The following LRRC37A variants were observed in gnomAD, a reference collection of about 807,000 sequenced individuals.
LRRC37A encodes the protein leucine-rich repeat-containing protein 37A.
LRRC37A carries 3 observed loss-of-function variants against 35.4 expected under a neutral mutation model. The observed-to-expected ratio is 0.08, with a 90% CI of 0.04 to 0.22. LRRC37A has a LOEUF of 0.22. LRRC37A is among the 10% of genes least tolerant of loss of function. LRRC37A has a pLI of 1.00. For missense variants in LRRC37A, 67 were observed against 565.3 expected, an observed-to-expected ratio of 0.12 and a Z score of 8.94; for synonymous variants, 23 against 215.0, an observed-to-expected ratio of 0.11 and a Z score of 7.81.
the LRRC37A span, among the ~76,000 whole-genome samples, chr17:46,249,667 C>T: frequency 6.6e-6 from 1 of 152,126 alleles, no homozygotes; most frequent in Non-Finnish European, 1.5e-5. Flanking sequence ...CCCACTAAAC[C>T]ACTAAAGAGA....
the LRRC37A span, among the ~76,000 whole-genome samples, chr17:46,250,590 A>G: frequency 1.2e-3 from 190 of 152,310 alleles, 1 homozygote; most frequent in African/African-American, 4.4e-3. Context: ...ACCCTCCAAC[A>G]TCGGACTCCA....
chr17:46,288,305 C>CTT (rs78255121), upstream of LRRC37A, among the ~76,000 whole-genome samples: 229 of 112,216 alleles, frequency 2.0e-3, 2 homozygotes, highest in African/African-American at 2.9e-3. Context: ...CCAGGCCCGG[C>CTT]TTTTTTTTTT....
the LRRC37A span, among the ~76,000 whole-genome samples, chr17:46,267,748 C>T: frequency 0.12 from 18,479 of 152,086 alleles, 1 homozygote; most frequent in Non-Finnish European, 0.18. Flanking sequence ...ACAAAGCGGG[C>T]TGTCAATAAA....
chr17:46,277,771 C>CA, the LRRC37A span, among the ~76,000 whole-genome samples: 16,329 of 148,384 alleles, frequency 0.11, no homozygotes, highest in Non-Finnish European at 0.17. Flanking sequence ...CTCAGCCTCC[C>CA]GAGTAGCTGG....
At chr17:46,291,477 C>T (rs1339479748), upstream of LRRC37A, among the ~76,000 whole-genome samples, 2 of 151,308 alleles carry the variant, frequency 1.3e-5, no homozygotes. Flanking sequence ...GGCTAACATG[C>T]TGTGTGTGAG....
chr17:46,259,835 G>C, the LRRC37A span: 2 of 1,559,914 alleles, frequency 1.3e-6, no homozygotes, highest in Non-Finnish European at 1.7e-6. Flanking sequence ...AGCAACTGCA[G>C]GGTAGCCCGA....
chr17:46,255,568 G>A, the LRRC37A span, among the ~76,000 whole-genome samples: 1 of 151,514 alleles, frequency 6.6e-6, no homozygotes, highest in East Asian at 2.0e-4. Flanking sequence ...GTTTCTCCAT[G>A]TTGGTCAGGC....
the LRRC37A span, among the ~76,000 whole-genome samples, chr17:46,272,929 TACC>T: frequency 6.6e-6 from 1 of 152,216 alleles, no homozygotes; most frequent in East Asian, 1.9e-4. Flanking sequence ...GAAGACATAT[TACC>T]ACCAACCAAC....
chr17:46,267,461 C>T, the LRRC37A span: 2 of 1,612,960 alleles, frequency 1.2e-6, no homozygotes, highest in Admixed American at 3.3e-5. Context: ...CTTCCGAGTC[C>T]ACATGTTAGT....
chr17:46,302,490 A>G (rs1195096847), intron 2 of LRRC37A, 148 bp from the exon 3 acceptor site: 24 of 177,614 alleles, frequency 1.4e-4, no homozygotes, highest in South Asian at 8.4e-4. Flanking sequence ...AAAGGAAAAT[A>G]TAAGAAAAGG....
At chr17:46,261,750 G>A in the LRRC37A span, among the ~76,000 whole-genome samples, 84 of 117,422 alleles carry the variant, frequency 7.2e-4, no homozygotes, top group African/African-American at 1.0e-3. Flanking sequence ...AAAAAAAAAA[G>A]AAGAAGAAGA....
At chr17:46,259,017 CTATTTTTTTT>C in the LRRC37A span, among the ~76,000 whole-genome samples, 9 of 25,032 alleles carry the variant, frequency 3.6e-4, no homozygotes, top group Non-Finnish European at 9.9e-4. Context: ...CGCACCCGGC[CTATTTTTTTT>C]TTTTTTTTTT....
the LRRC37A span, among the ~76,000 whole-genome samples, chr17:46,256,363 A>C: frequency 1.1e-4 from 17 of 152,264 alleles, 1 homozygote; most frequent in East Asian, 2.1e-3. Context: ...CCAGCCTCCA[A>C]CCTGGACAGA....
At chr17:46,287,774 TGTCTACACTGCTTGGCAGG>T (rs1313234067), upstream of LRRC37A, among the ~76,000 whole-genome samples, 1 of 152,212 alleles carries the variant, frequency 6.6e-6, no homozygotes, top group Non-Finnish European at 1.5e-5. Context: ...ATCCAGAATC[TGTCTACACTGCTTGGCAGG>T]GTCTACACTG....
intron 5 of LRRC37A, among the ~76,000 whole-genome samples, chr17:46,315,987 A>G (rs1354028647): frequency 1.9e-5 from 1 of 53,752 alleles, no homozygotes; most frequent in East Asian, 3.8e-4. Flanking sequence ...GCAGTGGCAC[A>G]ATCTTTACTC....
the LRRC37A span, among the ~76,000 whole-genome samples, chr17:46,279,505 T>C: frequency 3.0e-4 from 40 of 135,054 alleles, no homozygotes; most frequent in Admixed American, 4.3e-4. Context: ...TCTTTCTTTT[T>C]TTTTTTTTTT....
the LRRC37A span, among the ~76,000 whole-genome samples, chr17:46,277,638 T>C: frequency 1.1e-5 from 1 of 93,076 alleles, no homozygotes; most frequent in African/African-American, 3.6e-5. Context: ...TTTCTTTTCT[T>C]TTCTTTCTTT....
upstream of LRRC37A, among the ~76,000 whole-genome samples, chr17:46,290,168 C>T (rs1321577739): frequency 7.2e-5 from 11 of 152,240 alleles, no homozygotes; most frequent in African/African-American, 1.7e-4. Flanking sequence ...CTCACTTGAT[C>T]GCCCCGGCTA....
the LRRC37A span, among the ~76,000 whole-genome samples, chr17:46,259,253 AGGG>A: frequency 0.86 from 120,228 of 140,024 alleles, 52,343 homozygotes; most frequent in East Asian, 1. Context: ...GCTGTGGCAG[AGGG>A]GGGAAGGTAT....
Sources: gnomAD v4.1 joint callset for allele counts (sites outside exome capture counted in the v4.1 genomes callset) on GRCh38, gnomAD v4.1.1 for gene constraint, MANE v1.5 for transcripts, NCBI Gene and HGNC (gene_info 2026-07-23, HGNC 2026-07-21) for gene names.